RABGEF1: variants seen among roughly 807,000 people sequenced by gnomAD.
RABGEF1 encodes the protein RAB guanine nucleotide exchange factor 1.
RABGEF1 carries 26 observed loss-of-function variants against 57.3 expected under a neutral mutation model. The observed-to-expected ratio is 0.45, with a 90% CI of 0.33 to 0.63. RABGEF1 has a LOEUF of 0.63. Among genes scored for constraint, RABGEF1 ranks in the 20% least tolerant of loss-of-function variants. RABGEF1 has a pLI of 0.02. For missense variants in RABGEF1, 464 were observed against 607.6 expected (o/e 0.76, Z 2.48); for synonymous variants, 185 against 210.7 (o/e 0.88, Z 1.06).
the RABGEF1 span, among the ~76,000 whole-genome samples, chr7:66,658,221 T>G: frequency 6.6e-6 from 1 of 151,910 alleles, no homozygotes; most frequent in Non-Finnish European, 1.5e-5. Flanking sequence ...CAAGACTGAA[T>G]CACAAAGAAA....
the RABGEF1 span, among the ~76,000 whole-genome samples, chr7:66,671,336 C>CA: frequency 6.6e-6 from 1 of 152,152 alleles, no homozygotes; most frequent in South Asian, 2.1e-4. Flanking sequence ...TGTGCCACCA[C>CA]ACCTGGCTAT....
At chr7:66,786,733 T>G (rs1811279679) in intron 4 of RABGEF1, among the ~76,000 whole-genome samples, 1 of 152,224 alleles carries the variant, frequency 6.6e-6, no homozygotes, top group African/African-American at 2.4e-5. Flanking sequence ...TGCTAATATT[T>G]TTCTGAAGCT....
intron 1 of RABGEF1, among the ~76,000 whole-genome samples, chr7:66,705,491 G>A (rs1011401871): frequency 1.5e-4 from 22 of 148,628 alleles, no homozygotes; most frequent in Non-Finnish European, 3.0e-4. Context: ...GAGAGAGGAG[G>A]GGGGAGGGGG....
At chr7:66,773,946 G>C in intron 2 of RABGEF1, 1 of 388,702 alleles carries the variant, frequency 2.6e-6, no homozygotes, top group Non-Finnish European at 5.1e-6. Context: ...GATTACAGGC[G>C]TGAGCCACTG....
At chr7:66,686,060 C>G (rs1790578031) in intron 1 of RABGEF1, among the ~76,000 whole-genome samples, 1 of 152,126 alleles carries the variant, frequency 6.6e-6, no homozygotes, top group Non-Finnish European at 1.5e-5. Context: ...GGGCAGATCA[C>G]TTAAGGCCAG....
chr7:66,765,209 T>G lies in RABGEF1; in HGVS notation c.-17-6674T>G, dbSNP rs1004520883. 2.0e-5 allele frequency among the ~76,000 whole-genome samples: 3 copies of G among 151,068 alleles called. No homozygotes were observed. In the Admixed American group the frequency reaches 2.0e-4, roughly 10 times the overall value. ...TATAGGAAAGGGAGTTTCAGAAATA[T>G]TACATAGTTTGCCTAAAGTTACATT... On this transcript the variant is annotated intron_variant, in intron 1 of 8. Transcript: ENST00000284957.
intron 4 of RABGEF1, among the ~76,000 whole-genome samples, chr7:66,789,027 A>T (rs1361716715): frequency 6.6e-6 from 1 of 152,222 alleles, no homozygotes; most frequent in African/African-American, 2.4e-5. Flanking sequence ...TACCTGAATG[A>T]GGACAAAAAA....
chr7:66,793,860 G>T (rs1276246655), intron 4 of RABGEF1, among the ~76,000 whole-genome samples: 2 of 152,336 alleles, frequency 1.3e-5, no homozygotes, highest in Non-Finnish European at 2.9e-5. Flanking sequence ...TCCACAGGAT[G>T]TATCGGCCCT....
At chr7:66,799,512 C>T (rs1231269808) in intron 7 of RABGEF1, 98 bp downstream of exon 7, 7 of 997,804 alleles carry the variant, frequency 7.0e-6, no homozygotes, top group South Asian at 4.6e-5. Context: ...TGCAGATTGT[C>T]GAAGGTACAT....
chr7:66,767,448 G>A (rs372779331), intron 1 of RABGEF1, among the ~76,000 whole-genome samples: 61 of 152,194 alleles, frequency 4.0e-4, no homozygotes, highest in Middle Eastern at 3.4e-3. Flanking sequence ...AAACTTTCTC[G>A]TGCTAATCCT....
chr7:66,664,554 T>G, the RABGEF1 span, among the ~76,000 whole-genome samples: 11 of 151,842 alleles, frequency 7.2e-5, no homozygotes, highest in Non-Finnish European at 1.5e-4. Flanking sequence ...CAGTGAGCCA[T>G]GATTGTGCCA....
At chr7:66,669,932 C>T in the RABGEF1 span, 633 of 152,356 alleles carry the variant, frequency 4.2e-3, 1 homozygote, top group Non-Finnish European at 5.9e-3. Flanking sequence ...GTTCTCGTTG[C>T]CACCCCTGTG....
At chr7:66,697,608 C>A (rs1451324486) in intron 1 of RABGEF1, among the ~76,000 whole-genome samples, 1 of 152,132 alleles carries the variant, frequency 6.6e-6, no homozygotes, top group African/African-American at 2.4e-5. Context: ...CGTGGCTTGC[C>A]TGCCTGCCAG....
intron 2 of RABGEF1, among the ~76,000 whole-genome samples, chr7:66,722,309 G>A (rs1796142159): frequency 6.6e-6 from 1 of 152,092 alleles, no homozygotes; most frequent in South Asian, 2.1e-4. Flanking sequence ...GCGTGGTGGT[G>A]CGCGCCTGTA....
chr7:66,705,443 A>AAGACAG (rs540794271), intron 1 of RABGEF1, among the ~76,000 whole-genome samples: 12,185 of 66,544 alleles, frequency 0.18, 2,090 homozygotes, highest in South Asian at 0.37. Flanking sequence ...TCTCGAAAGA[A>AAGACAG]AGAGAGAGAG....
chr7:66,654,796 C>G, the RABGEF1 span, among the ~76,000 whole-genome samples: 1 of 152,232 alleles, frequency 6.6e-6, no homozygotes. Context: ...ATTCCAGCCC[C>G]GTCAGCTCCG....
intron 5 of RABGEF1, among the ~76,000 whole-genome samples, chr7:66,796,124 G>A (rs1392661422): frequency 2.0e-5 from 3 of 152,152 alleles, no homozygotes; most frequent in Non-Finnish European, 2.9e-5. Context: ...GCAACAGATC[G>A]AGACTCTGTC....
chr7:66,687,121 T>TC, intron 1 of RABGEF1, among the ~76,000 whole-genome samples: 1 of 147,616 alleles, frequency 6.8e-6, no homozygotes, highest in African/African-American at 2.5e-5. Flanking sequence ...GGCTTTTTTT[T>TC]TTTTTTTTTT....
chr7:66,706,004 G>A (rs1435787129), intron 1 of RABGEF1, among the ~76,000 whole-genome samples: 1 of 140,908 alleles, frequency 7.1e-6, no homozygotes, highest in African/African-American at 2.6e-5. Flanking sequence ...CCGGGTTCAC[G>A]CCATTCTCCT....
Sources: gnomAD v4.1 joint callset for allele counts (sites outside exome capture counted in the v4.1 genomes callset) on GRCh38, gnomAD v4.1.1 for gene constraint, MANE v1.5 for transcripts, NCBI Gene and HGNC (gene_info 2026-07-23, HGNC 2026-07-21) for gene names.